Variants in DCLK2 observed in about 807,000 individuals in gnomAD.
DCLK2 encodes the protein doublecortin like kinase 2, also known as serine/threonine-protein kinase DCLK2.
In DCLK2, 31 loss-of-function variants were observed where a neutral mutation model predicts 78.4. That is an observed-to-expected ratio of 0.40 (90% CI 0.30 to 0.53). DCLK2 has a LOEUF of 0.53. Ranked by LOEUF, DCLK2 falls within the 20% of genes least tolerant of loss-of-function variation. The probability of loss-of-function intolerance (pLI) is 0.61; values close to 1 mark genes in which losing one functional copy is unlikely to be tolerated. For synonymous variants in DCLK2, 407 were observed against 374.9 expected, an observed-to-expected ratio of 1.09 and a Z score of -0.99; for missense variants, 872 against 973.7, an observed-to-expected ratio of 0.90 and a Z score of 1.39.
intron 2 of DCLK2, among the ~76,000 whole-genome samples, chr4:150,130,370 A>G (rs1243023675): frequency 1.3e-5 from 2 of 152,144 alleles, no homozygotes; most frequent in Non-Finnish European, 2.9e-5. Context: ...GTGAAGAAAT[A>G]GAATGCAAAC....
intron 15 of DCLK2, chr4:150,254,337 G>A: frequency 2.5e-6 from 1 of 398,648 alleles, no homozygotes; most frequent in South Asian, 1.3e-4. Flanking sequence ...CACTCGTGTT[G>A]CTTCTGTTGA....
intron 5 of DCLK2, 86 bp from the exon 6 acceptor site, chr4:150,220,617 T>G (rs1741114313): frequency 8.9e-7 from 1 of 1,123,382 alleles, no homozygotes; most frequent in Non-Finnish European, 1.3e-6. Context: ...ATTTTTACAT[T>G]CTGTAAGCAT....
intron 2 of DCLK2, among the ~76,000 whole-genome samples, chr4:150,172,430 C>T (rs985615474): frequency 1.3e-5 from 2 of 151,500 alleles, no homozygotes; most frequent in African/African-American, 4.8e-5. Context: ...GGCGAAACCC[C>T]ATCTCTACGA....
intron 5 of DCLK2, among the ~76,000 whole-genome samples, chr4:150,218,230 C>T (rs1383333578): frequency 3.9e-5 from 6 of 151,992 alleles, no homozygotes; most frequent in South Asian, 4.2e-4. Flanking sequence ...CCATGTCACC[C>T]GCAAATCCCA....
intron 2 of DCLK2, among the ~76,000 whole-genome samples, chr4:150,162,904 C>T (rs1735798579): frequency 6.6e-6 from 1 of 152,232 alleles, no homozygotes; most frequent in Non-Finnish European, 1.5e-5. Context: ...CTTCTCTTTT[C>T]ACTCACTTAT....
intron 2 of DCLK2, among the ~76,000 whole-genome samples, chr4:150,189,643 G>A (rs1291681095): frequency 2.0e-5 from 3 of 152,182 alleles, no homozygotes; most frequent in Non-Finnish European, 4.4e-5. Flanking sequence ...AAAATTCAGA[G>A]AGGTTAATTG....
At chr4:150,171,590 A>G (rs2150259801) in intron 2 of DCLK2, among the ~76,000 whole-genome samples, 1 of 152,372 alleles carries the variant, frequency 6.6e-6, no homozygotes, top group Non-Finnish European at 1.5e-5. Flanking sequence ...TAATGCAGAA[A>G]GCAAATGTCG....
chr4:150,230,203 A>G (rs1741933493), intron 8 of DCLK2, among the ~76,000 whole-genome samples: 1 of 152,232 alleles, frequency 6.6e-6, no homozygotes, highest in African/African-American at 2.4e-5. Flanking sequence ...AGTATTTGAA[A>G]GGTAACACTG....
intron 10 of DCLK2, among the ~76,000 whole-genome samples, chr4:150,235,583 A>G (rs1198210664): frequency 1.3e-5 from 2 of 152,138 alleles, no homozygotes; most frequent in African/African-American, 4.8e-5. Context: ...AGAGGCGAAT[A>G]TGTGATGTAG....
chr4:150,100,665 ATAAAGT>A (rs2150151644), intron 1 of DCLK2, among the ~76,000 whole-genome samples: 1 of 152,352 alleles, frequency 6.6e-6, no homozygotes, highest in South Asian at 2.1e-4. Context: ...TACTTTCTCT[ATAAAGT>A]TAAAGCAAAA....
intron 5 of DCLK2, among the ~76,000 whole-genome samples, chr4:150,208,532 T>A (rs1416283022): frequency 6.6e-6 from 1 of 152,022 alleles, no homozygotes; most frequent in Non-Finnish European, 1.5e-5. Flanking sequence ...AGTGATTCTC[T>A]TGTCTCAGCC....
intron 5 of DCLK2, among the ~76,000 whole-genome samples, chr4:150,216,554 G>T (rs946584093): frequency 6.6e-6 from 1 of 152,124 alleles, no homozygotes; most frequent in East Asian, 1.9e-4. Context: ...CAGGAGAATC[G>T]CTTGAACCCG....
intron 8 of DCLK2, among the ~76,000 whole-genome samples, chr4:150,228,147 T>A (rs1465141472): frequency 6.6e-6 from 1 of 152,176 alleles, no homozygotes; most frequent in Admixed American, 6.5e-5. Flanking sequence ...TGTAGTGGCA[T>A]TTAACCCTCT....
intron 2 of DCLK2, among the ~76,000 whole-genome samples, chr4:150,137,662 AG>A (rs1231511036): frequency 6.6e-6 from 1 of 152,302 alleles, no homozygotes; most frequent in Admixed American, 6.5e-5. Flanking sequence ...CCCAATAGAA[AG>A]GATTAGTAAT....
intron 15 of DCLK2, among the ~76,000 whole-genome samples, chr4:150,255,014 C>G (rs1029137313): frequency 6.6e-6 from 1 of 152,160 alleles, no homozygotes; most frequent in African/African-American, 2.4e-5. Flanking sequence ...CTTGTGAGGG[C>G]CTGTGGAGAA....
At chr4:150,108,502 C>T (rs1215134643) in intron 2 of DCLK2, among the ~76,000 whole-genome samples, 2 of 151,398 alleles carry the variant, frequency 1.3e-5, no homozygotes, top group Non-Finnish European at 2.9e-5. Flanking sequence ...CGAGATCTCG[C>T]CACTGCACTT....
intron 15 of DCLK2, among the ~76,000 whole-genome samples, chr4:150,251,128 A>C (rs200807542): frequency 0.33 from 2 of 6 alleles, 1 homozygote; most frequent in African/African-American, 0.5. Context: ...CCCCCACACC[A>C]CACATATCCC....
chr4:150,190,236 TAGATAGATAGA>T (rs1220388428), intron 2 of DCLK2, among the ~76,000 whole-genome samples: 2 of 25,330 alleles, frequency 7.9e-5, no homozygotes, highest in Admixed American at 4.8e-4. Flanking sequence ...GATGGATAGT[TAGATAGATAGA>T]TAGATAGATA....
At chr4:150,167,737 A>C (rs1440692574) in intron 2 of DCLK2, among the ~76,000 whole-genome samples, 2 of 152,212 alleles carry the variant, frequency 1.3e-5, no homozygotes, top group Non-Finnish European at 2.9e-5. Flanking sequence ...CAGTCTCCCA[A>C]CAGATAGAAA....
Sources: allele counts gnomAD v4.1 joint callset (sites outside exome capture counted in the v4.1 genomes callset), GRCh38; gene constraint gnomAD v4.1.1; transcripts MANE v1.5; gene names NCBI Gene and HGNC (gene_info 2026-07-23, HGNC 2026-07-21).